INSL6: variants seen among roughly 807,000 people sequenced by gnomAD.
INSL6 encodes insulin-like peptide INSL6.
In INSL6, 16 loss-of-function variants were observed where a neutral mutation model predicts 9.4. That is an observed-to-expected ratio of 1.70 (90% CI 1.15 to 2.59). The LOEUF is 2.59. Among genes scored for constraint, INSL6 ranks in the 30% most tolerant of loss-of-function variants. INSL6 has a pLI of 0.00. For missense variants in INSL6, 391 were observed against 257.3 expected, an observed-to-expected ratio of 1.52 and a Z score of -3.56; for synonymous variants, 154 against 96.9, an observed-to-expected ratio of 1.59 and a Z score of -3.46.
the INSL6 span, chr9:5,070,155 A>G: frequency 1.4e-6 from 1 of 733,008 alleles, no homozygotes; most frequent in Non-Finnish European, 2.0e-6. Flanking sequence ...TGTTATATAC[A>G]AATTTAGTTG....
At chr9:5,022,331 C>T in the INSL6 span, 39 of 618,308 alleles carry the variant, frequency 6.3e-5, no homozygotes, top group South Asian at 1.3e-4. Flanking sequence ...GTATGGCTGG[C>T]GTGTGTGTTT....
At chr9:5,060,847 G>A in the INSL6 span, among the ~76,000 whole-genome samples, 1 of 152,088 alleles carries the variant, frequency 6.6e-6, no homozygotes, top group Admixed American at 6.6e-5. Context: ...ACTATCTATG[G>A]CAGCTTAGCC....
chr9:5,177,868 C>T (rs1396843615), intron 1 of INSL6, among the ~76,000 whole-genome samples: 1 of 151,912 alleles, frequency 6.6e-6, no homozygotes, highest in African/African-American at 2.4e-5. Flanking sequence ...CAGACTGCTT[C>T]TTTCTTTTTC....
intron 3 of INSL6, chr9:5,126,486 C>T (rs1246044123): frequency 7.3e-7 from 1 of 1,374,230 alleles, no homozygotes; most frequent in Non-Finnish European, 1.0e-6. Context: ...CATGCATTTT[C>T]TTTTACTTTT....
At chr9:5,121,455 C>T (rs191429849), downstream of INSL6, among the ~76,000 whole-genome samples, 18 of 152,258 alleles carry the variant, frequency 1.2e-4, no homozygotes, top group Admixed American at 1.0e-3. Context: ...AAGGAAAATA[C>T]ACTTTTCATA....
At chr9:5,005,533 C>G in the INSL6 span, among the ~76,000 whole-genome samples, 1 of 151,972 alleles carries the variant, frequency 6.6e-6, no homozygotes, top group African/African-American at 2.4e-5. Context: ...AAGATGTATT[C>G]TTTTAAAGTG....
intron 1 of INSL6, among the ~76,000 whole-genome samples, chr9:5,166,349 TA>T (rs1825050834): frequency 6.6e-6 from 1 of 152,214 alleles, no homozygotes; most frequent in African/African-American, 2.4e-5. Context: ...GGTGAATCTA[TA>T]TTCTTTGCAG....
the INSL6 span, among the ~76,000 whole-genome samples, chr9:5,074,140 G>A: frequency 6.6e-6 from 1 of 152,044 alleles, no homozygotes; most frequent in Admixed American, 6.6e-5. Context: ...TGAAGACAAA[G>A]CATATAAATG....
At chr9:5,038,841 G>T in the INSL6 span, among the ~76,000 whole-genome samples, 1 of 151,996 alleles carries the variant, frequency 6.6e-6, no homozygotes, top group African/African-American at 2.4e-5. Context: ...GAAATACAAG[G>T]CTAGTGTAAC....
At chr9:5,144,705 T>C (rs1824568314) in intron 2 of INSL6, among the ~76,000 whole-genome samples, 1 of 152,156 alleles carries the variant, frequency 6.6e-6, no homozygotes. Flanking sequence ...TCTTGTTGAA[T>C]TGAACCCTTT....
rs775067226 is a variant in INSL6, at chr9:5,164,026, T to C, written c.529A>G (p.Lys177Glu). Reference protein sequence around the residue: ...PQRKRRGYSEKCCLTGCTKEE... With the variant: ...PQRKRRGYSEECCLTGCTKEE... ...TTTGTACATCCTGTAAGACAACACT[T>C]TTCTGAATATCCTCTGCGTTTTCTT... Residue 177 changes from lysine to glutamate, a missense_variant, in exon 2 of 2, where the codon AAG becomes GAG. By Grantham distance (56) the Lys-to-Glu change is moderately conservative. Coordinates refer to ENST00000381641, the MANE Select transcript of INSL6 (RefSeq NM_007179.3). The C allele has an allele frequency of 6.2e-7, 1 of 1,613,626 alleles. No individual in the cohort carries two copies. Among genetic ancestry groups the C allele is most frequent in the Admixed American group, 1.7e-5 (1 of 60,016 alleles).
chr9:5,183,055 T>C lies in INSL6; in HGVS notation c.289+2259A>G, dbSNP rs547793467. On this transcript the variant is annotated intron_variant, in intron 1 of 1. Transcript: ENST00000381641. ...GATCTAACACAACAACTTGTCCTGCTGGTAAAAGTGAAATAAAAAGTAATC... is the reference window on the plus strand; with the variant it reads ...GATCTAACACAACAACTTGTCCTGCCGGTAAAAGTGAAATAAAAAGTAATC... Among the ~76,000 whole-genome samples, 4 of 152,344 alleles carry C rather than the reference T, an allele frequency of 2.6e-5. No individual in the cohort carries two copies. In the South Asian group the frequency reaches 8.3e-4, roughly 32 times the overall value.
downstream of INSL6, among the ~76,000 whole-genome samples, chr9:5,161,444 CATAT>C (rs1824924246): frequency 6.6e-6 from 1 of 152,072 alleles, no homozygotes; most frequent in South Asian, 2.1e-4. Context: ...TAATGAAAGC[CATAT>C]ATGATAGACC....
At chr9:5,126,749 A>G (rs759734255) in intron 3 of INSL6, 1 of 1,610,918 alleles carries the variant, frequency 6.2e-7, no homozygotes, top group Non-Finnish European at 8.5e-7. Context: ...TTAGGGATCT[A>G]GCTCTTCGAG....
At chr9:5,074,290 G>A in the INSL6 span, among the ~76,000 whole-genome samples, 11 of 152,054 alleles carry the variant, frequency 7.2e-5, no homozygotes, top group Admixed American at 7.2e-4. Flanking sequence ...ATACAGGCAT[G>A]CCTCATTTTA....
chr9:5,111,554 A>C, the INSL6 span: 1 of 364,430 alleles, frequency 2.7e-6, no homozygotes, highest in South Asian at 2.1e-5. Context: ...CCCCTTCTAC[A>C]TGGCAGATGG....
chr9:5,073,569 A>G, the INSL6 span: 1 of 720,936 alleles, frequency 1.4e-6, no homozygotes, highest in East Asian at 2.5e-5. Context: ...ACCAAAGCAC[A>G]TTGTATCCTC....
the INSL6 span, among the ~76,000 whole-genome samples, chr9:5,011,668 T>A: frequency 2.0e-5 from 3 of 152,220 alleles, no homozygotes; most frequent in African/African-American, 4.8e-5. Flanking sequence ...TTTTCATGTT[T>A]AATAAGTTTC....
At chr9:5,041,107 C>G in the INSL6 span, 1 of 797,720 alleles carries the variant, frequency 1.3e-6, no homozygotes. Flanking sequence ...CCTGTTCGAC[C>G]TTCACGCCCA....
Sources: gnomAD v4.1 joint callset for allele counts (sites outside exome capture counted in the v4.1 genomes callset) on GRCh38, gnomAD v4.1.1 for gene constraint, MANE v1.5 for transcripts, NCBI Gene and HGNC (gene_info 2026-07-23, HGNC 2026-07-21) for gene names.